CFAP299: variants seen among roughly 807,000 people sequenced by gnomAD.
CFAP299 encodes the protein cilia and flagella associated protein 299.
CFAP299 carries 21 observed loss-of-function variants against 27.0 expected under a neutral mutation model. The observed-to-expected ratio is 0.78, with a 90% CI of 0.55 to 1.12. The LOEUF is 1.12. CFAP299 is among the 50% of genes most tolerant of loss of function. CFAP299 has a pLI of 0.00. For missense variants in CFAP299, 310 were observed against 276.6 expected (o/e 1.12, Z -0.86); for synonymous variants, 104 against 98.1 (o/e 1.06, Z -0.36).
At chr4:80,639,494 A>G (rs1030457352) in intron 3 of CFAP299, among the ~76,000 whole-genome samples, 1 of 152,140 alleles carries the variant, frequency 6.6e-6, no homozygotes, top group Non-Finnish European at 1.5e-5. Context: ...TTGCTCTAAA[A>G]TTATTGACAG....
At chr4:80,863,201 CT>C (rs71664821) in intron 3 of CFAP299, among the ~76,000 whole-genome samples, 4,152 of 133,370 alleles carry the variant, frequency 0.031, 99 homozygotes, top group South Asian at 0.076. Flanking sequence ...GCTTAGCATG[CT>C]TTTTTTTTTT....
At chr4:80,344,117 G>A (rs2109973923) in intron 1 of CFAP299, among the ~76,000 whole-genome samples, 1 of 152,164 alleles carries the variant, frequency 6.6e-6, no homozygotes, top group African/African-American at 2.4e-5. Flanking sequence ...AAACCACAAA[G>A]CTGGCAGAAG....
At position 80,452,466 on chromosome 4, in the gene CFAP299, G is replaced by A. The variant is rs80304581; in HGVS notation, c.242+89582G>A. ...GAGAATTTATTGCTCTCTTAGGTTT[G>A]CAAAGGCCATGGGTATCCTGTATAG... On this transcript the variant is annotated intron_variant, in intron 2 of 5. Transcript: ENST00000358105. Among the ~76,000 whole-genome samples the A allele has an allele frequency of 1.0e-3, 155 of 152,168 alleles. 1 individual carries two copies. Among genetic ancestry groups the A allele is most frequent in the African/African-American group, 3.5e-3 (146 of 41,522 alleles).
At chr4:80,652,305 A>G (rs1437506789) in intron 3 of CFAP299, among the ~76,000 whole-genome samples, 1 of 152,182 alleles carries the variant, frequency 6.6e-6, no homozygotes, top group African/African-American at 2.4e-5. Flanking sequence ...AATTTTTATG[A>G]ACAATATTTT....
chr4:80,445,000 G>A (rs1056915462), intron 2 of CFAP299, among the ~76,000 whole-genome samples: 9 of 152,130 alleles, frequency 5.9e-5, no homozygotes, highest in Non-Finnish European at 1.2e-4. Context: ...TTAGAATGGC[G>A]ATCCATTAAA....
intron 3 of CFAP299, among the ~76,000 whole-genome samples, chr4:80,623,299 A>T (rs990347114): frequency 1.3e-5 from 2 of 152,208 alleles, no homozygotes; most frequent in African/African-American, 4.8e-5. Context: ...ATGCACAAGA[A>T]TATGTCCAAG....
chr4:80,394,526 A>G (rs966025135), intron 2 of CFAP299, among the ~76,000 whole-genome samples: 1 of 151,092 alleles, frequency 6.6e-6, no homozygotes, highest in Non-Finnish European at 1.5e-5. Flanking sequence ...CTTTTTACCT[A>G]TGTTTTTCTC....
chr4:80,360,563 T>C (rs1416392167), intron 1 of CFAP299, among the ~76,000 whole-genome samples: 2 of 152,222 alleles, frequency 1.3e-5, no homozygotes, highest in African/African-American at 4.8e-5. Flanking sequence ...TTGTCGTATA[T>C]CTTTAGGTTT....
chr4:80,443,052 C>T (rs1187846904), intron 2 of CFAP299, among the ~76,000 whole-genome samples: 1 of 152,128 alleles, frequency 6.6e-6, no homozygotes. Context: ...TAATAGCCTA[C>T]CAAACAAAAA....
intron 2 of CFAP299, among the ~76,000 whole-genome samples, chr4:80,480,788 T>C (rs948176957): frequency 3.3e-5 from 5 of 152,042 alleles, no homozygotes; most frequent in African/African-American, 9.7e-5. Context: ...TGGTACTTGA[T>C]TTTTTCTGAT....
intron 2 of CFAP299, among the ~76,000 whole-genome samples, chr4:80,521,395 A>T (rs575853657): frequency 1.3e-5 from 2 of 152,320 alleles, no homozygotes; most frequent in South Asian, 2.1e-4. Context: ...GTGTTTTTAT[A>T]CTTTAATTTT....
chr4:80,507,147 G>A (rs899384901), intron 2 of CFAP299, among the ~76,000 whole-genome samples: 1 of 152,084 alleles, frequency 6.6e-6, no homozygotes, highest in Non-Finnish European at 1.5e-5. Flanking sequence ...ATACTCTCAT[G>A]GAGGCTTATT....
At chr4:80,921,172 T>G (rs992710348) in intron 4 of CFAP299, among the ~76,000 whole-genome samples, 1 of 152,102 alleles carries the variant, frequency 6.6e-6, no homozygotes, top group Non-Finnish European at 1.5e-5. Context: ...TCAAAATTGA[T>G]ATCATGATCC....
At chr4:80,944,775 A>G (rs1372297542) in intron 4 of CFAP299, 35 bp from the exon 5 acceptor site, 3 of 1,488,140 alleles carry the variant, frequency 2.0e-6, no homozygotes, top group Admixed American at 2.0e-5. Context: ...AATGCATTAT[A>G]CATCTTAATT....
At chr4:80,759,466 C>T in intron 3 of CFAP299, among the ~76,000 whole-genome samples, 1 of 152,154 alleles carries the variant, frequency 6.6e-6, no homozygotes, top group African/African-American at 2.4e-5. Flanking sequence ...CAACTGTCAT[C>T]ATGGTTGTGC....
intron 2 of CFAP299, among the ~76,000 whole-genome samples, chr4:80,451,765 TTACTC>T (rs1728915916): frequency 6.6e-6 from 1 of 152,214 alleles, no homozygotes; most frequent in South Asian, 2.1e-4. Context: ...CCTTCACACA[TTACTC>T]TAAACAAACT....
the CFAP299 span, among the ~76,000 whole-genome samples, chr4:80,323,293 C>T: frequency 6.6e-6 from 1 of 152,130 alleles, no homozygotes; most frequent in Non-Finnish European, 1.5e-5. Context: ...AAGCAGAAAA[C>T]CTGGTCTTTG....
intron 2 of CFAP299, among the ~76,000 whole-genome samples, chr4:80,541,633 AG>A (rs1466377296): frequency 3.3e-5 from 5 of 152,184 alleles, no homozygotes; most frequent in African/African-American, 4.8e-5. Flanking sequence ...CTGATGCAGT[AG>A]GTACTTCATA....
intron 3 of CFAP299, among the ~76,000 whole-genome samples, chr4:80,840,377 C>T (rs1730796952): frequency 6.6e-6 from 1 of 152,054 alleles, no homozygotes; most frequent in South Asian, 2.1e-4. Flanking sequence ...AAACTGACAT[C>T]AGTGAAAGTA....
Sources: allele counts gnomAD v4.1 joint callset (sites outside exome capture counted in the v4.1 genomes callset), GRCh38; gene constraint gnomAD v4.1.1; transcripts MANE v1.5; gene names NCBI Gene and HGNC (gene_info 2026-07-23, HGNC 2026-07-21).